VGLL4: variants seen among roughly 807,000 people sequenced by gnomAD.
VGLL4 encodes the protein transcription cofactor vestigial-like protein 4.
In VGLL4, 7 loss-of-function variants were observed where a neutral mutation model predicts 21.0. The ratio of observed to expected loss-of-function variants is 0.33; its 90% confidence interval spans 0.19 to 0.63. The LOEUF (loss-of-function observed/expected upper bound fraction) is 0.63. Among genes scored for constraint, VGLL4 ranks in the 20% least tolerant of loss-of-function variants. The pLI, the probability that VGLL4 is intolerant of heterozygous loss-of-function variation, is 0.78. For missense variants in VGLL4, 394 were observed against 425.7 expected (o/e 0.93, Z 0.66); for synonymous variants, 222 against 173.2 (o/e 1.28, Z -2.21).
intron 1 of VGLL4, among the ~76,000 whole-genome samples, chr3:11,617,229 G>C (rs1159235855): frequency 6.6e-6 from 1 of 152,172 alleles, no homozygotes; most frequent in African/African-American, 2.4e-5. Context: ...AGGTACAAGA[G>C]TATGAGGCAA....
chr3:11,702,923 G>A (rs2076703516), intron 2 of VGLL4: 3 of 1,544,346 alleles, frequency 1.9e-6, no homozygotes, highest in African/African-American at 1.4e-5. Context: ...CAGAAGACAA[G>A]GGATCATTAA....
At chr3:11,665,755 CCA>C (rs1301235814) in intron 2 of VGLL4, among the ~76,000 whole-genome samples, 4 of 152,248 alleles carry the variant, frequency 2.6e-5, no homozygotes, top group Non-Finnish European at 5.9e-5. Context: ...ACTGGAGATT[CCA>C]CAGTCAACAA....
At chr3:11,697,266 A>G (rs1250026575) in intron 2 of VGLL4, among the ~76,000 whole-genome samples, 1 of 149,056 alleles carries the variant, frequency 6.7e-6, no homozygotes, top group Non-Finnish European at 1.5e-5. Flanking sequence ...ACACCCAGCT[A>G]ATTGTGGTTT....
rs1022974658 is a variant in VGLL4, at chr3:11,556,458, C to G, written c.*2098G>C. The G allele has an allele frequency of 6.5e-6, 1 of 152,772 alleles. No homozygotes were observed. Among genetic ancestry groups the G allele is most frequent in the African/African-American group, 2.4e-5 (1 of 41,432 alleles). The allele number at this position is 152,772 out of a possible 1,614,324, so 9.5% of individuals were successfully genotyped here. The stretch of plus-strand genomic sequence containing the variant: ...AAGAGACCTGTCCCAGGAGTGTCCT[C>G]CACCGAGCCGGTCAGCTGTGGGTGG... On this transcript the variant is annotated 3_prime_UTR_variant, in exon 5 of 5. Coordinates refer to ENST00000430365, the MANE Select transcript of VGLL4 (RefSeq NM_001128219.3).
chr3:11,702,388 T>C (rs1375710985), intron 2 of VGLL4, among the ~76,000 whole-genome samples: 1 of 146,194 alleles, frequency 6.8e-6, no homozygotes, highest in African/African-American at 2.6e-5. Flanking sequence ...GGTAGACGGA[T>C]CATTTGAGGT....
intron 1 of VGLL4, chr3:11,703,194 G>T: frequency 1.4e-6 from 1 of 703,276 alleles, no homozygotes; most frequent in South Asian, 2.2e-5. Flanking sequence ...GAAACAGAAT[G>T]GGCTTGGTTC....
chr3:11,637,410 C>T (rs1033065412), intron 1 of VGLL4, among the ~76,000 whole-genome samples: 1 of 151,968 alleles, frequency 6.6e-6, no homozygotes, highest in African/African-American at 2.4e-5. Flanking sequence ...TCTCTAATCA[C>T]TTACTAGATA....
At position 11,719,721 on chromosome 3, in the gene VGLL4, T is replaced by G. The variant is rs1165021804; in HGVS notation, c.-14+673A>C. ...TCGGTCACGCCCCTCACGGAGCAGG[T>G]GGGGGCTGAGCCAGGTGAGCCGGGA... On this transcript the variant is annotated intron_variant, in intron 1 of 5. Transcript: ENST00000273038. This position sits in a 1 kb window ranked among gnomAD's most constrained non-coding sequence, Gnocchi z 4.0. The G allele has an allele frequency of 3.3e-4, 2 of 6,102 alleles. No individual in the cohort carries two copies. The highest frequency in any genetic ancestry group is 1.6e-3 in the African/African-American group (2 of 1,276). The allele number at this position is 6,102 out of a possible 1,614,324, so 0.4% of individuals were successfully genotyped here. A position where few individuals can be genotyped will look rare whatever the true frequency, so the allele number is the denominator to read the frequency against.
chr3:11,677,609 A>G (rs1236497738), intron 2 of VGLL4, among the ~76,000 whole-genome samples: 1 of 152,142 alleles, frequency 6.6e-6, no homozygotes, highest in African/African-American at 2.4e-5. Flanking sequence ...TATAGCGCGT[A>G]TGAACAAAAA....
chr3:11,564,300 T>A (rs1020038995), intron 3 of VGLL4, among the ~76,000 whole-genome samples: 6 of 152,200 alleles, frequency 3.9e-5, no homozygotes, highest in African/African-American at 1.4e-4. Flanking sequence ...CTGACCAGCA[T>A]GGGCTCACAA....
Position 11,601,813 on chromosome 3 carries a change from A to G in VGLL4, c.272+20T>C, listed in dbSNP as rs367740763. The stretch of plus-strand genomic sequence containing the variant: ...CAGCACGGAGCACCCTTAAGCCAAA[A>G]TAAGAACAGAGGAACTCACAGATGG... On this transcript the variant is annotated intron_variant, in intron 2 of 4. Coordinates refer to ENST00000430365, the MANE Select transcript of VGLL4 (RefSeq NM_001128219.3). The G allele has an allele frequency of 1.2e-6, 2 of 1,612,802 alleles. No individual in the cohort carries two copies. The highest frequency in any genetic ancestry group is 1.6e-4 in the Middle Eastern group (1 of 6,080).
chr3:11,630,236 G>A (rs73127150), intron 1 of VGLL4, among the ~76,000 whole-genome samples: 3,231 of 152,204 alleles, frequency 0.021, 99 homozygotes, highest in African/African-American at 0.072. Flanking sequence ...GTCATAATAG[G>A]CATTCCAATA....
chr3:11,707,165 AT>A (rs1451162677), intron 1 of VGLL4, among the ~76,000 whole-genome samples: 4 of 148,526 alleles, frequency 2.7e-5, no homozygotes, highest in African/African-American at 2.5e-5. Context: ...AAAAAAAAAA[AT>A]TTAAATAAAA....
intron 2 of VGLL4, among the ~76,000 whole-genome samples, chr3:11,596,715 G>A (rs1323029179): frequency 6.6e-6 from 1 of 152,148 alleles, no homozygotes; most frequent in Non-Finnish European, 1.5e-5. Flanking sequence ...TGGCTACTAA[G>A]CTTGAAATGT....
intron 2 of VGLL4, chr3:11,569,015 G>A: frequency 1.1e-6 from 1 of 940,710 alleles, no homozygotes; most frequent in South Asian, 3.8e-5. Flanking sequence ...AGAGCTTTCT[G>A]AGTACTGAAA....
chr3:11,618,984 T>C (rs2125297316), intron 1 of VGLL4, among the ~76,000 whole-genome samples: 1 of 152,338 alleles, frequency 6.6e-6, no homozygotes, highest in Middle Eastern at 3.4e-3. Context: ...CTTTGGTATA[T>C]TTACTTAAGA....
chr3:11,690,516 T>C (rs899240831), intron 2 of VGLL4, among the ~76,000 whole-genome samples: 1 of 152,160 alleles, frequency 6.6e-6, no homozygotes, highest in Non-Finnish European at 1.5e-5. Context: ...AAAATATTCC[T>C]CTTAATTCTG....
intron 2 of VGLL4, among the ~76,000 whole-genome samples, chr3:11,584,510 T>C: frequency 6.6e-6 from 1 of 152,080 alleles, no homozygotes; most frequent in South Asian, 2.1e-4. Flanking sequence ...AGAGTGAAGC[T>C]GGCAGAACAC....
intron 2 of VGLL4, among the ~76,000 whole-genome samples, chr3:11,686,851 A>G (rs1172537965): frequency 6.6e-6 from 1 of 152,190 alleles, no homozygotes; most frequent in Non-Finnish European, 1.5e-5. Flanking sequence ...GGTTCCTAAA[A>G]TAGGTTGAAT....
Sources: gnomAD v4.1 joint callset for allele counts (sites outside exome capture counted in the v4.1 genomes callset) on GRCh38, gnomAD v4.1.1 for gene constraint, Gnocchi (gnomAD v3.1) non-coding constraint, MANE v1.5 for transcripts, NCBI Gene and HGNC (gene_info 2026-07-23, HGNC 2026-07-21) for gene names.